The following COL23A1 variants were observed in gnomAD, a reference collection of about 807,000 sequenced individuals.
The protein encoded by COL23A1 is collagen type XXIII alpha 1 chain, also known as collagen alpha-1(XXIII) chain.
In COL23A1, 97 loss-of-function variants were observed where a neutral mutation model predicts 99.3. The observed-to-expected ratio is 0.98, with a 90% CI of 0.83 to 1.16. COL23A1 has a LOEUF of 1.16. Among genes scored for constraint, COL23A1 ranks in the 50% most tolerant of loss-of-function variants. The probability of loss-of-function intolerance (pLI) is 0.00; values close to 1 mark genes in which losing one functional copy is unlikely to be tolerated. For missense variants in COL23A1, 762 were observed against 757.4 expected, an observed-to-expected ratio of 1.01 and a Z score of -0.07; for synonymous variants, 320 against 308.2, an observed-to-expected ratio of 1.04 and a Z score of -0.40.
intron 2 of COL23A1, among the ~76,000 whole-genome samples, chr5:178,481,698 T>C (rs191277088): frequency 1.1e-4 from 17 of 152,008 alleles, no homozygotes; most frequent in Admixed American, 1.0e-3. Context: ...TTAGTATAGC[T>C]ATGATTAAAA....
At chr5:178,291,182 C>G (rs1261705241) in intron 3 of COL23A1, among the ~76,000 whole-genome samples, 1 of 152,194 alleles carries the variant, frequency 6.6e-6, no homozygotes, top group African/African-American at 2.4e-5. Flanking sequence ...CACGCGGCTG[C>G]CAAACCAGAC....
chr5:178,515,825 C>T (rs1488952744), intron 2 of COL23A1, among the ~76,000 whole-genome samples: 1 of 152,116 alleles, frequency 6.6e-6, no homozygotes, highest in Non-Finnish European at 1.5e-5. Context: ...TCCACAGCTC[C>T]CACCCACACT....
chr5:178,521,760 C>G (rs909572474), intron 2 of COL23A1, among the ~76,000 whole-genome samples: 1 of 152,160 alleles, frequency 6.6e-6, no homozygotes, highest in Admixed American at 6.5e-5. Flanking sequence ...CAAATGGCTA[C>G]TTATTTTATG....
chr5:178,426,203 A>C (rs1765925952), intron 2 of COL23A1, among the ~76,000 whole-genome samples: 1 of 152,252 alleles, frequency 6.6e-6, no homozygotes, highest in African/African-American at 2.4e-5. Context: ...TGTTTGAAAA[A>C]TGAAAAAGAG....
At chr5:178,584,486 A>G (rs1763825200) in intron 1 of COL23A1, among the ~76,000 whole-genome samples, 1 of 152,194 alleles carries the variant, frequency 6.6e-6, no homozygotes, top group Non-Finnish European at 1.5e-5. Context: ...ATAGGTGTGA[A>G]CCACCACGCC....
intron 2 of COL23A1, among the ~76,000 whole-genome samples, chr5:178,497,926 T>C (rs1204705031): frequency 2.6e-5 from 4 of 151,710 alleles, no homozygotes; most frequent in African/African-American, 9.7e-5. Context: ...AAAGAGAATA[T>C]ATATAAATTT....
chr5:178,350,933 T>G (rs1420680710), intron 2 of COL23A1: 3 of 152,266 alleles, frequency 2.0e-5, no homozygotes, highest in African/African-American at 7.2e-5. Context: ...AACAGTCATG[T>G]CCCAGGCCGG....
At chr5:178,512,893 T>C (rs1335733348) in intron 2 of COL23A1, among the ~76,000 whole-genome samples, 2 of 152,110 alleles carry the variant, frequency 1.3e-5, no homozygotes, top group Non-Finnish European at 2.9e-5. Flanking sequence ...ACACCTCCCA[T>C]TTTCCAGGTC....
At chr5:178,283,882 C>A (rs1757026168) in intron 5 of COL23A1, among the ~76,000 whole-genome samples, 1 of 152,170 alleles carries the variant, frequency 6.6e-6, no homozygotes, top group Non-Finnish European at 1.5e-5. Flanking sequence ...TTATTCATTC[C>A]TCTCTATCCC....
chr5:178,513,120 C>G (rs1759303012), intron 2 of COL23A1, among the ~76,000 whole-genome samples: 1 of 151,980 alleles, frequency 6.6e-6, no homozygotes, highest in Non-Finnish European at 1.5e-5. Flanking sequence ...TTCCTGAGCA[C>G]CTGACCACCT....
intron 2 of COL23A1, among the ~76,000 whole-genome samples, chr5:178,437,823 G>C (rs1766644693): frequency 6.6e-6 from 1 of 152,192 alleles, no homozygotes. Flanking sequence ...ACCCAGTCCT[G>C]GAGGGTGCTT....
At chr5:178,346,596 C>T (rs750113569) in intron 2 of COL23A1, among the ~76,000 whole-genome samples, 7 of 152,276 alleles carry the variant, frequency 4.6e-5, no homozygotes, top group Middle Eastern at 3.4e-3. Context: ...TACATACATG[C>T]ATGTTTCTAT....
chr5:178,519,969 T>C (rs563657884), intron 2 of COL23A1, among the ~76,000 whole-genome samples: 1 of 150,958 alleles, frequency 6.6e-6, no homozygotes, highest in African/African-American at 2.4e-5. Context: ...GACAGATGCA[T>C]GGGTGGACAG....
Position 178,308,890 on chromosome 5 carries a change from C to A in COL23A1, c.362-1971G>T, listed in dbSNP as rs571853146. ...GAGAGCGAGGTACGGGAACGGGAGC[C>A]CCCCGGCACACGCAGCACCATGTTC... On this transcript the variant is annotated intron_variant, in intron 2 of 28. Coordinates refer to ENST00000390654, the MANE Select transcript of COL23A1 (RefSeq NM_173465.4). The surrounding 1 kb of genome is among the most constrained non-coding windows in gnomAD (Gnocchi z 5.1). 3.3e-5 allele frequency among the ~76,000 whole-genome samples: 5 copies of A among 152,274 alleles called. No individual in the cohort carries two copies. The East Asian group carries it at 7.7e-4, about 24-fold the overall frequency.
chr5:178,269,275 T>A (rs1162869318), intron 6 of COL23A1, among the ~76,000 whole-genome samples: 1 of 151,704 alleles, frequency 6.6e-6, no homozygotes, highest in Non-Finnish European at 1.5e-5. Flanking sequence ...CATCTGTCCA[T>A]CCCTGTATGA....
At position 178,306,688 on chromosome 5, in the gene COL23A1, C is replaced by A. The variant is rs2973798; in HGVS notation, c.406+187G>T. Among the ~76,000 whole-genome samples, 3 of 151,078 alleles carry A rather than the reference C, an allele frequency of 2.0e-5. No individual in the cohort carries two copies. Among genetic ancestry groups the A allele is most frequent in the South Asian group, 2.1e-4 (1 of 4,808 alleles). Reference sequence around the variant, plus strand: ...TGGAATTGTGAATGCCAAGAAGCCCCGGAAAGGCAGTACTGGGTGCTGCGG... The same window carrying A: ...TGGAATTGTGAATGCCAAGAAGCCCAGGAAAGGCAGTACTGGGTGCTGCGG... On this transcript the variant is annotated intron_variant, in intron 3 of 28. Transcript: ENST00000390654. This position sits in a 1 kb window ranked among gnomAD's most constrained non-coding sequence, Gnocchi z 4.1.
At position 178,583,642 on chromosome 5, in the gene COL23A1, G is replaced by A. The variant is rs187743494; in HGVS notation, c.294+6262C>T. The stretch of plus-strand genomic sequence containing the variant: ...CACTGGTCCATCAGAGGGAATTAGG[G>A]AATTTCTGCTGGGACTGTTGGAAAA... On this transcript the variant is annotated intron_variant, in intron 1 of 28. Transcript: ENST00000390654. 9.8e-5 allele frequency among the ~76,000 whole-genome samples: 15 copies of A among 152,302 alleles called. No individual in the cohort carries two copies. In the East Asian group the frequency reaches 2.1e-3, roughly 22 times the overall value.
chr5:178,391,323 G>A (rs547666352), intron 2 of COL23A1, among the ~76,000 whole-genome samples: 1 of 152,334 alleles, frequency 6.6e-6, no homozygotes, highest in African/African-American at 2.4e-5. Flanking sequence ...TGGAATGGCA[G>A]AAAATATTTG....
intron 2 of COL23A1, among the ~76,000 whole-genome samples, chr5:178,539,545 CAAAAAAAA>C (rs58424731): frequency 1.4e-4 from 11 of 78,392 alleles, no homozygotes; most frequent in South Asian, 4.8e-4. Flanking sequence ...GACTCTGTCT[CAAAAAAAA>C]AAAAAAAAAA....
Sources: gnomAD v4.1 joint callset for allele counts (sites outside exome capture counted in the v4.1 genomes callset) on GRCh38, gnomAD v4.1.1 for gene constraint, Gnocchi (gnomAD v3.1) non-coding constraint, MANE v1.5 for transcripts, NCBI Gene and HGNC (gene_info 2026-07-23, HGNC 2026-07-21) for gene names.